CUBN: variants seen among roughly 807,000 people sequenced by gnomAD.
CUBN encodes the protein 460 kDa receptor.
CUBN carries 282 observed loss-of-function variants against 405.3 expected under a neutral mutation model. The ratio of observed to expected loss-of-function variants is 0.70; its 90% CI spans 0.63 to 0.77. The LOEUF is 0.77. Ranked by LOEUF, CUBN falls within the 30% of genes least tolerant of loss-of-function variation. The probability of loss-of-function intolerance (pLI) is 0.00; values close to 1 mark genes in which losing one functional copy is unlikely to be tolerated. For missense variants in CUBN, 4,514 were observed against 4,475.2 expected (o/e 1.01, Z -0.25); for synonymous variants, 1,684 against 1,617.0 (o/e 1.04, Z -0.99).
chr10:16,909,085 C>T (rs1301042398), intron 48 of CUBN, among the ~76,000 whole-genome samples: 1 of 151,242 alleles, frequency 6.6e-6, no homozygotes, highest in African/African-American at 2.4e-5. Flanking sequence ...CGGGGTTTCA[C>T]CTTGTTAGCC....
chr10:17,042,320 C>T lies in CUBN; in HGVS notation c.3830-1100G>A, dbSNP rs150193767. On this transcript the variant is annotated intron_variant, in intron 26 of 66. Coordinates refer to ENST00000377833, the MANE Select transcript of CUBN (RefSeq NM_001081.4). ...TTAGGCAGATAGGCATCACGTGCCT[C>T]GATGACTAGGGGCAACACAGGGCCC... Among the ~76,000 whole-genome samples the T allele has an allele frequency of 2.6e-3, 393 of 152,232 alleles. 3 individuals carry two copies. In the South Asian group the frequency reaches 0.027, roughly 11 times the overall value.
intron 14 of CUBN, among the ~76,000 whole-genome samples, chr10:17,090,013 G>A (rs1836217334): frequency 6.6e-6 from 1 of 152,140 alleles, no homozygotes; most frequent in Non-Finnish European, 1.5e-5. Flanking sequence ...CTACTGGGGA[G>A]ACTGAGGAAG....
At chr10:16,975,644 T>TC (rs1198611646) in intron 31 of CUBN, among the ~76,000 whole-genome samples, 1 of 93,336 alleles carries the variant, frequency 1.1e-5, no homozygotes, top group Non-Finnish European at 2.3e-5. Context: ...TTTTTTTTTT[T>TC]TTTTTGAGAA....
intron 28 of CUBN, among the ~76,000 whole-genome samples, chr10:16,994,464 A>G: frequency 6.6e-6 from 1 of 152,224 alleles, no homozygotes; most frequent in Non-Finnish European, 1.5e-5. Context: ...TACAAATAAG[A>G]ATAAATAACT....
At chr10:16,935,223 TC>T (rs1362528516) in intron 39 of CUBN, among the ~76,000 whole-genome samples, 1 of 152,220 alleles carries the variant, frequency 6.6e-6, no homozygotes, top group Non-Finnish European at 1.5e-5. Context: ...AGTGTCATGA[TC>T]ACTGCTCACT....
intron 43 of CUBN, among the ~76,000 whole-genome samples, chr10:16,921,280 A>C (rs531199634): frequency 6.6e-6 from 1 of 152,136 alleles, no homozygotes; most frequent in Admixed American, 6.6e-5. Context: ...TCCATTTGTT[A>C]CCCCTAATTT....
At chr10:16,829,166 T>C (rs972826188) in intron 65 of CUBN, 126 bp from the exon 66 acceptor site, 28 of 746,778 alleles carry the variant, frequency 3.7e-5, no homozygotes, top group Non-Finnish European at 6.1e-5. Flanking sequence ...GAGGCAGAAA[T>C]CCCTTTTCCT....
At position 16,877,045 on chromosome 10, in the gene CUBN, T is replaced by G. The variant is rs376034411; in HGVS notation, c.8958A>C (p.Arg2986Ser). 3.7e-5 allele frequency: 60 copies of G among 1,613,954 alleles called. No individual in the cohort carries two copies. The highest frequency in any genetic ancestry group is 4.9e-5 in the Non-Finnish European group (58 of 1,180,024). ...ATGGGGTGGACATGACGCTGTAACC[T>G]CTGATAATGTGCACGCCATCGTTGA... Reference protein sequence around the residue: ...SCVNDGVHIIRGYSVMSTPFA... With the variant: ...SCVNDGVHIISGYSVMSTPFA... The change falls in exon 57 of 67, where the codon AGA becomes AGC. Residue 2986 changes from arginine (R) to serine (S), a missense_variant. Transcript: ENST00000377833.
At chr10:17,036,111 G>A (rs920879609) in intron 27 of CUBN, among the ~76,000 whole-genome samples, 7 of 152,094 alleles carry the variant, frequency 4.6e-5, no homozygotes, top group Non-Finnish European at 5.9e-5. Flanking sequence ...GAACATCACC[G>A]GCTAGAGGGC....
intron 10 of CUBN, among the ~76,000 whole-genome samples, chr10:17,108,937 G>C (rs2131306385): frequency 6.6e-6 from 1 of 152,260 alleles, no homozygotes. Flanking sequence ...CAGTGAAAAT[G>C]TGGAAAGTAT....
At chr10:16,852,459 C>T (rs963689367) in intron 59 of CUBN, among the ~76,000 whole-genome samples, 2 of 142,474 alleles carry the variant, frequency 1.4e-5, no homozygotes, top group South Asian at 2.6e-4. Context: ...TTCCCTCCCT[C>T]CCTCCCTCTA....
In CUBN at chr10:17,129,131, C is replaced by A; in HGVS notation, c.242G>T (p.Cys81Phe). Residue 81 changes from cysteine to phenylalanine, a missense_variant, in exon 2 of 67, where the codon TGT becomes TTT. Cys to Phe is a radical substitution (Grantham distance 205). This residue lies in a region of CUBN where 1,448 missense variants were observed against 1,388.0 expected (regional missense o/e 1.04). Coordinates refer to ENST00000377833, the MANE Select transcript of CUBN (RefSeq NM_001081.4). ...TTTCCAGTGTATTACCTGATGTAAA[C>A]ACTCACTGAGATCTTCATCATTTAA... is the stretch of plus-strand genomic sequence containing the variant. ...IKLNDEDLSE[C>F]LHQIQKNKED... 6.2e-7 allele frequency: 1 copy of A among 1,611,974 alleles called. No homozygotes were observed.
intron 29 of CUBN, among the ~76,000 whole-genome samples, chr10:16,984,925 A>G (rs1389077542): frequency 6.6e-6 from 1 of 152,060 alleles, no homozygotes; most frequent in East Asian, 1.9e-4. Context: ...GATGCTATGC[A>G]CCCTCCCTGT....
In CUBN at chr10:16,868,045, G is replaced by T. The variant is rs540996951; in HGVS notation, c.9454+1591C>A. The stretch of plus-strand genomic sequence containing the variant: ...AGGCAAGAATATATCCCTTTTTTGT[G>T]CAAAAAAAAATCTCCAAAGGAAAAT... On this transcript the variant is annotated intron_variant, in intron 59 of 66. Transcript: ENST00000377833. Among the ~76,000 whole-genome samples, 19 of 151,284 alleles carry T rather than the reference G, an allele frequency of 1.3e-4. No homozygotes were observed. In the South Asian group the frequency reaches 4.0e-3, roughly 31 times the overall value.
chr10:16,846,640 C>T (rs566170837), intron 60 of CUBN, among the ~76,000 whole-genome samples: 68 of 151,864 alleles, frequency 4.5e-4, no homozygotes, highest in Non-Finnish European at 8.1e-4. Flanking sequence ...GGTGAAACCC[C>T]GTCTCTACTA....
intron 23 of CUBN, 152 bp downstream of exon 23, chr10:17,047,262 C>A: frequency 1.6e-6 from 1 of 606,118 alleles, no homozygotes; most frequent in Non-Finnish European, 2.8e-6. Context: ...CTAAGTCAGG[C>A]TCCAAATGAC....
At chr10:16,941,419 C>T (rs761993551) in intron 36 of CUBN, among the ~76,000 whole-genome samples, 4 of 152,100 alleles carry the variant, frequency 2.6e-5, no homozygotes, top group Non-Finnish European at 5.9e-5. Flanking sequence ...TAGAAGAAAA[C>T]ACGGAGAAAA....
intron 31 of CUBN, among the ~76,000 whole-genome samples, chr10:16,972,002 A>G (rs1230774337): frequency 6.6e-6 from 1 of 152,110 alleles, no homozygotes; most frequent in Non-Finnish European, 1.5e-5. Context: ...GACGGAATCC[A>G]GGGGCTTTGT....
intron 28 of CUBN, among the ~76,000 whole-genome samples, chr10:17,007,983 T>G (rs1331758363): frequency 6.6e-6 from 1 of 151,882 alleles, no homozygotes; most frequent in Non-Finnish European, 1.5e-5. Context: ...AGAAACCCTA[T>G]CTCTACAAAA....
Sources: allele counts gnomAD v4.1 joint callset (sites outside exome capture counted in the v4.1 genomes callset), GRCh38; gene constraint gnomAD v4.1.1; regional missense constraint gnomAD v4.1.1; transcripts MANE v1.5; gene names NCBI Gene and HGNC (gene_info 2026-07-23, HGNC 2026-07-21).